Variants in HSD17B12 observed in about 807,000 individuals in gnomAD.
HSD17B12 encodes the protein very-long-chain 3-oxoacyl-CoA reductase.
In HSD17B12, 32 loss-of-function variants were observed where a neutral mutation model predicts 39.3. That is an observed-to-expected ratio of 0.81 (90% CI 0.61 to 1.09). The LOEUF is 1.09. Ranked by LOEUF, HSD17B12 falls within the 50% of genes least tolerant of loss-of-function variation. HSD17B12 has a pLI of 0.00. For missense variants in HSD17B12, 342 were observed against 382.9 expected (o/e 0.89, Z 0.89); for synonymous variants, 150 against 146.7 (o/e 1.02, Z -0.16).
intron 1 of HSD17B12, among the ~76,000 whole-genome samples, chr11:43,697,202 A>G (rs539813995): frequency 1.3e-5 from 2 of 152,328 alleles, no homozygotes; most frequent in African/African-American, 4.8e-5. Context: ...AAAGAAAGCC[A>G]TGGTCTCTAT....
chr11:43,732,084 G>T (rs755737054), intron 1 of HSD17B12, among the ~76,000 whole-genome samples: 6 of 152,108 alleles, frequency 3.9e-5, no homozygotes, highest in Non-Finnish European at 8.8e-5. Flanking sequence ...GGAGGTAATT[G>T]AATCTTGGGG....
At chr11:43,801,487 A>G (rs1450551770) in intron 4 of HSD17B12, among the ~76,000 whole-genome samples, 1 of 152,078 alleles carries the variant, frequency 6.6e-6, no homozygotes, top group Non-Finnish European at 1.5e-5. Context: ...ATTTGCTGAA[A>G]TGGAGAATCC....
chr11:43,815,110 GAA>G (rs1236092131), intron 4 of HSD17B12, among the ~76,000 whole-genome samples: 1 of 152,152 alleles, frequency 6.6e-6, no homozygotes, highest in Non-Finnish European at 1.5e-5. Flanking sequence ...AAGGTCTGGA[GAA>G]GAGTTAAGTA....
chr11:43,694,248 T>G (rs1234842896), intron 1 of HSD17B12, among the ~76,000 whole-genome samples: 3 of 152,126 alleles, frequency 2.0e-5, no homozygotes, highest in Admixed American at 6.5e-5. Context: ...GTTACACAGA[T>G]AGTAAGTAGC....
chr11:43,703,747 C>T (rs1949988708), intron 1 of HSD17B12, among the ~76,000 whole-genome samples: 1 of 152,036 alleles, frequency 6.6e-6, no homozygotes, highest in African/African-American at 2.4e-5. Flanking sequence ...AGAATTTCTG[C>T]AGTATCATTT....
chr11:43,802,008 C>T (rs1373971843), intron 4 of HSD17B12, among the ~76,000 whole-genome samples: 13 of 151,030 alleles, frequency 8.6e-5, no homozygotes, highest in Non-Finnish European at 2.9e-5. Context: ...TTTTTTGAGA[C>T]AGAGTCTCAC....
At position 43,719,137 on chromosome 11, in the gene HSD17B12, G is replaced by A. The variant is rs143964113; in HGVS notation, c.161-31774G>A. The stretch of plus-strand genomic sequence containing the variant: ...CTTTGGATGTTGCCAACAAAATTGG[G>A]ATCATCTAAACTTAGTCCAGATGGC... On this transcript the variant is annotated intron_variant, in intron 1 of 10. Transcript: ENST00000278353. The A allele has an allele frequency of 2.8e-4, 213 of 758,748 alleles. No individual in the cohort carries two copies. In the African/African-American group the frequency reaches 3.3e-3, roughly 12 times the overall value. 47.0% of individuals were successfully genotyped at this position (758,748 alleles called of 1,614,324 possible). A position where few individuals can be genotyped will look rare whatever the true frequency, so the allele number is the denominator to read the frequency against.
the HSD17B12 span, among the ~76,000 whole-genome samples, chr11:43,633,818 T>G: frequency 6.6e-6 from 1 of 151,984 alleles, no homozygotes; most frequent in African/African-American, 2.4e-5. Flanking sequence ...CTCACACTTG[T>G]AATCCCAGCA....
At chr11:43,608,776 C>CT in the HSD17B12 span, among the ~76,000 whole-genome samples, 1 of 152,184 alleles carries the variant, frequency 6.6e-6, no homozygotes, top group Non-Finnish European at 1.5e-5. Flanking sequence ...ATTCCTTAGA[C>CT]TAAATTATTG....
chr11:43,620,863 G>A, the HSD17B12 span, among the ~76,000 whole-genome samples: 1 of 152,198 alleles, frequency 6.6e-6, no homozygotes, highest in African/African-American at 2.4e-5. Context: ...CAGAAGTTCA[G>A]CCTTAACTCC....
chr11:43,757,679 AAAAC>A (rs1390817646), intron 3 of HSD17B12, among the ~76,000 whole-genome samples: 11 of 143,754 alleles, frequency 7.7e-5, no homozygotes, highest in Non-Finnish European at 1.5e-4. Flanking sequence ...AAATAGGTAA[AAAAC>A]AAACAAATAA....
At chr11:43,559,097 C>T in the HSD17B12 span, among the ~76,000 whole-genome samples, 1 of 152,286 alleles carries the variant, frequency 6.6e-6, no homozygotes, top group East Asian at 1.9e-4. Context: ...GGTCCTGCTC[C>T]AAGAAGGGGG....
At chr11:43,574,859 C>T in the HSD17B12 span, among the ~76,000 whole-genome samples, 3 of 152,208 alleles carry the variant, frequency 2.0e-5, no homozygotes, top group Admixed American at 2.0e-4. Flanking sequence ...CATTTGCAGT[C>T]TTTGTTGAAT....
intron 3 of HSD17B12, among the ~76,000 whole-genome samples, chr11:43,767,644 T>C (rs1950607293): frequency 1.3e-5 from 2 of 152,252 alleles, no homozygotes; most frequent in Admixed American, 1.3e-4. Flanking sequence ...TGACCTAGCG[T>C]TATGTCTAAT....
the HSD17B12 span, among the ~76,000 whole-genome samples, chr11:43,573,971 C>A: frequency 6.6e-6 from 1 of 152,210 alleles, no homozygotes; most frequent in Non-Finnish European, 1.5e-5. Flanking sequence ...AGGGCCGCCT[C>A]CCTCTCATTG....
chr11:43,838,070 G>T, intron 7 of HSD17B12: 1 of 496,406 alleles, frequency 2.0e-6, no homozygotes, highest in Non-Finnish European at 3.6e-6. Context: ...GATCTGATCT[G>T]GTTATGCCCT....
intron 9 of HSD17B12, among the ~76,000 whole-genome samples, chr11:43,848,249 C>T (rs1274897230): frequency 6.6e-6 from 1 of 152,100 alleles, no homozygotes; most frequent in East Asian, 1.9e-4. Flanking sequence ...AAAATTAGTC[C>T]TTTTGGGCTC....
intron 1 of HSD17B12, among the ~76,000 whole-genome samples, chr11:43,710,913 T>C (rs12294768): frequency 0.5 from 76,065 of 151,886 alleles, 19,487 homozygotes; most frequent in Non-Finnish European, 0.53. Flanking sequence ...GCCTCAGCCT[T>C]CCGAACAGGT....
chr11:43,778,998 A>G (rs1187921399), intron 3 of HSD17B12, among the ~76,000 whole-genome samples: 1 of 152,214 alleles, frequency 6.6e-6, no homozygotes, highest in Non-Finnish European at 1.5e-5. Context: ...GTGGTATTGT[A>G]GAAAGTTTAT....
Sources: gnomAD v4.1 joint callset for allele counts (sites outside exome capture counted in the v4.1 genomes callset) on GRCh38, gnomAD v4.1.1 for gene constraint, MANE v1.5 for transcripts, NCBI Gene and HGNC (gene_info 2026-07-23, HGNC 2026-07-21) for gene names.